TBC1D1: variants seen among roughly 807,000 people sequenced by gnomAD.
TBC1D1 encodes TBC1 domain family member 1.
In TBC1D1, 89 loss-of-function variants were observed where a neutral mutation model predicts 125.6. The ratio of observed to expected loss-of-function variants is 0.71; its 90% CI spans 0.60 to 0.85. The LOEUF (loss-of-function observed/expected upper bound fraction) is 0.85. TBC1D1 is among the 40% of genes least tolerant of loss of function. The probability of loss-of-function intolerance (pLI) is 0.00; values close to 1 mark genes in which losing one functional copy is unlikely to be tolerated. For missense variants in TBC1D1, 1,377 were observed against 1,469.2 expected (o/e 0.94, Z 1.03); for synonymous variants, 565 against 564.1 (o/e 1.00, Z -0.02).
At chr4:37,939,833 A>G (rs1169637006) in intron 2 of TBC1D1, among the ~76,000 whole-genome samples, 1 of 152,228 alleles carries the variant, frequency 6.6e-6, no homozygotes, top group Non-Finnish European at 1.5e-5. Flanking sequence ...AGATGGTTAT[A>G]GATGCATGGT....
At chr4:37,923,354 T>C (rs1411144772) in intron 2 of TBC1D1, among the ~76,000 whole-genome samples, 6 of 152,334 alleles carry the variant, frequency 3.9e-5, no homozygotes, top group African/African-American at 7.2e-5. Context: ...CAGTCTATCA[T>C]TGATGGGCAT....
At chr4:38,119,281 G>A (rs185828300) in intron 17 of TBC1D1, among the ~76,000 whole-genome samples, 111 of 151,944 alleles carry the variant, frequency 7.3e-4, no homozygotes, top group Middle Eastern at 6.8e-3. Context: ...TTTAATATAA[G>A]TGAGCATTTA....
At chr4:37,982,776 G>T (rs62298545) in intron 2 of TBC1D1, among the ~76,000 whole-genome samples, 10,668 of 152,308 alleles carry the variant, frequency 0.07, 506 homozygotes, top group Middle Eastern at 0.13. Flanking sequence ...TAACCTGTAT[G>T]TGTGTCCCCT....
At chr4:38,038,477 C>T (rs1445618309) in intron 8 of TBC1D1, among the ~76,000 whole-genome samples, 1 of 152,034 alleles carries the variant, frequency 6.6e-6, no homozygotes, top group Non-Finnish European at 1.5e-5. Context: ...ATATCAGTAC[C>T]CTTCATCCCT....
At chr4:37,900,819 C>T (rs1017065119) in intron 1 of TBC1D1, among the ~76,000 whole-genome samples, 9 of 152,164 alleles carry the variant, frequency 5.9e-5, no homozygotes, top group African/African-American at 2.2e-4. Context: ...TGCCTATAAT[C>T]CCAGCACTTT....
chr4:37,905,306 T>C (rs570302007), intron 2 of TBC1D1, among the ~76,000 whole-genome samples: 1 of 152,362 alleles, frequency 6.6e-6, no homozygotes, highest in South Asian at 2.1e-4. Flanking sequence ...GACACTTTTG[T>C]AAGCAATGTT....
intron 12 of TBC1D1, among the ~76,000 whole-genome samples, chr4:38,068,578 C>T (rs992943880): frequency 6.6e-6 from 1 of 152,134 alleles, no homozygotes; most frequent in African/African-American, 2.4e-5. Flanking sequence ...ACTGTGTCTT[C>T]GGGTTATTTA....
intron 5 of TBC1D1, 43 bp from the exon 6 acceptor site, chr4:38,021,543 A>T (rs753148001): frequency 6.9e-7 from 1 of 1,456,124 alleles, no homozygotes; most frequent in East Asian, 2.6e-5. Flanking sequence ...GCTAATTTCA[A>T]ATTGACTTTT....
Position 37,977,280 on chromosome 4 carries a change from C to G in TBC1D1, c.418-37229C>G, listed in dbSNP as rs1390045677. Reference sequence around the variant, plus strand: ...CCCGCCCACCCCCTCCCCGCGCTCTCCCCTCCCACTTCCCTTTCTCTGCCT... The same window carrying G: ...CCCGCCCACCCCCTCCCCGCGCTCTGCCCTCCCACTTCCCTTTCTCTGCCT... On this transcript the variant is annotated intron_variant, in intron 2 of 19. Transcript: ENST00000261439. This position sits in a 1 kb window ranked among gnomAD's most constrained non-coding sequence, Gnocchi z 4.3. The G allele has an allele frequency of 6.7e-6, 1 of 148,420 alleles. No homozygotes were observed. The highest frequency in any genetic ancestry group is 2.5e-5 in the African/African-American group (1 of 40,276). The allele number at this position is 148,420 out of a possible 1,614,324, so 9.2% of individuals were successfully genotyped here.
At chr4:37,910,699 A>C (rs572171625) in intron 2 of TBC1D1, among the ~76,000 whole-genome samples, 1 of 152,148 alleles carries the variant, frequency 6.6e-6, no homozygotes, top group South Asian at 2.1e-4. Context: ...TGGTACAAAA[A>C]AAAATAGTTA....
At chr4:38,101,761 C>T (rs572173234) in intron 14 of TBC1D1, among the ~76,000 whole-genome samples, 3 of 152,292 alleles carry the variant, frequency 2.0e-5, no homozygotes, top group Admixed American at 6.5e-5. Context: ...AGCTACCAAA[C>T]GTGGGGCAGG....
In TBC1D1 at chr4:38,123,753, A is replaced by T. The variant is rs1764217440; in HGVS notation, c.2963-1209A>T. On this transcript the variant is annotated intron_variant, in intron 17 of 19. Transcript: ENST00000261439. Reference sequence around the variant, plus strand: ...CTTAGGGCTGCACCCATCTCAGCTCACATGGTTAATTAAGGGTTTTGTGGT... The same window carrying T: ...CTTAGGGCTGCACCCATCTCAGCTCTCATGGTTAATTAAGGGTTTTGTGGT... Among the ~76,000 whole-genome samples, 3 of 152,226 alleles carry T rather than the reference A, an allele frequency of 2.0e-5. 1 individual carries two copies. In the South Asian group the frequency reaches 6.2e-4, roughly 31 times the overall value.
At position 38,137,377 on chromosome 4, in the gene TBC1D1, A is replaced by G. The variant is rs962532185; in HGVS notation, c.*42A>G. ...ATTGCAACACCATCCCACACTGTCC[A>G]GGCCTTAACTGAGAGGGACAGAAGA... On this transcript the variant is annotated 3_prime_UTR_variant, in exon 20 of 20. Coordinates refer to ENST00000261439, the MANE Select transcript of TBC1D1 (RefSeq NM_015173.4). 6.6e-7 allele frequency: 1 copy of G among 1,524,702 alleles called. No homozygotes were observed. The highest frequency in any genetic ancestry group is 2.0e-5 in the Admixed American group (1 of 49,504). The allele number at this position is 1,524,702 out of a possible 1,614,324, so 94.4% of individuals were successfully genotyped here.
intron 2 of TBC1D1, among the ~76,000 whole-genome samples, chr4:37,936,070 T>A (rs1724323033): frequency 6.6e-6 from 1 of 152,186 alleles, no homozygotes; most frequent in Non-Finnish European, 1.5e-5. Flanking sequence ...CATGCTGTCC[T>A]TCCTTTACTC....
At chr4:37,964,949 A>G (rs560887325) in intron 2 of TBC1D1, among the ~76,000 whole-genome samples, 1 of 152,366 alleles carries the variant, frequency 6.6e-6, no homozygotes, top group Admixed American at 6.5e-5. Context: ...TCTCTTGGCC[A>G]TGCCAGCTCC....
At chr4:37,964,780 A>G (rs1051084670) in intron 2 of TBC1D1, among the ~76,000 whole-genome samples, 2 of 152,094 alleles carry the variant, frequency 1.3e-5, no homozygotes, top group African/African-American at 2.4e-5. Context: ...TCATTCGTTC[A>G]TTTGTTCTTT....
At chr4:38,134,147 TG>T (rs1766074070) in intron 19 of TBC1D1, among the ~76,000 whole-genome samples, 1 of 152,256 alleles carries the variant, frequency 6.6e-6, no homozygotes, top group Admixed American at 6.5e-5. Flanking sequence ...ATGGTGTTCC[TG>T]GGCTGTCCTG....
At chr4:37,923,501 T>C (rs1429770518) in intron 2 of TBC1D1, among the ~76,000 whole-genome samples, 2 of 152,150 alleles carry the variant, frequency 1.3e-5, no homozygotes, top group African/African-American at 2.4e-5. Context: ...GCAAGGTTCT[T>C]TAATATCCTC....
In TBC1D1 at chr4:38,120,235, C is replaced by G. The variant is rs573731093; in HGVS notation, c.2962+2043C>G. ...CAGACTCCTGCTGTGCTAAGTGGGT[C>G]GTTGTCCAGCTGGCCAAGGGCTCCT... is the stretch of plus-strand genomic sequence containing the variant. On this transcript the variant is annotated intron_variant, in intron 17 of 19. Coordinates refer to ENST00000261439, the MANE Select transcript of TBC1D1 (RefSeq NM_015173.4). 4 of 544,376 alleles carry G rather than the reference C, an allele frequency of 7.3e-6. No homozygotes were observed. The African/African-American group carries it at 8.2e-5, about 11-fold the overall frequency. 33.7% of individuals were successfully genotyped at this position (544,376 alleles called of 1,614,324 possible).
Sources: gnomAD v4.1 joint callset for allele counts (sites outside exome capture counted in the v4.1 genomes callset) on GRCh38, gnomAD v4.1.1 for gene constraint, Gnocchi (gnomAD v3.1) non-coding constraint, MANE v1.5 for transcripts, NCBI Gene and HGNC (gene_info 2026-07-23, HGNC 2026-07-21) for gene names.